The following VAC14 variants were observed in gnomAD, a reference collection of about 807,000 sequenced individuals.
VAC14 encodes protein VAC14 homolog.
Under a neutral mutation model 85.3 loss-of-function variants are expected in VAC14, and 47 were observed. The observed-to-expected ratio is 0.55, with a 90% CI of 0.44 to 0.70. VAC14 has a LOEUF of 0.70. Ranked by LOEUF, VAC14 falls within the 30% of genes least tolerant of loss-of-function variation. The probability of loss-of-function intolerance (pLI) is 0.00; values close to 1 mark genes in which losing one functional copy is unlikely to be tolerated. For missense variants in VAC14, 861 were observed against 1,004.3 expected, an observed-to-expected ratio of 0.86 and a Z score of 1.93; for synonymous variants, 447 against 430.5, an observed-to-expected ratio of 1.04 and a Z score of -0.47.
In VAC14 at chr16:70,751,793, G is replaced by A. The variant is rs546503327; in HGVS notation, c.1372-7214C>T. Among the ~76,000 whole-genome samples, 6 of 152,342 alleles carry A rather than the reference G, an allele frequency of 3.9e-5. 1 individual carries two copies. The highest frequency in any genetic ancestry group is 1.4e-4 in the African/African-American group (6 of 41,578). ...AGGCATTGGCACCAGCTGGCACCGG[G>A]GCCAGAGGCCTCCGCCCTGGACACA... On this transcript the variant is annotated intron_variant, in intron 12 of 18. Transcript: ENST00000261776.
chr16:70,756,703 C>T (rs2031892969), intron 12 of VAC14, among the ~76,000 whole-genome samples: 1 of 152,170 alleles, frequency 6.6e-6, no homozygotes, highest in African/African-American at 2.4e-5. Context: ...AACCCAGGTA[C>T]CACTGGGTTG....
intron 13 of VAC14, among the ~76,000 whole-genome samples, chr16:70,734,041 C>G (rs1344405610): frequency 1.3e-5 from 2 of 152,086 alleles, no homozygotes; most frequent in Non-Finnish European, 2.9e-5. Context: ...CCAGGATGGT[C>G]TCAATCTCCT....
At chr16:70,765,901 GC>G (rs1360858854) in intron 10 of VAC14, among the ~76,000 whole-genome samples, 2 of 152,166 alleles carry the variant, frequency 1.3e-5, no homozygotes, top group Non-Finnish European at 2.9e-5. Flanking sequence ...GGAGGCCGAG[GC>G]AGGCGGATGA....
intron 13 of VAC14, among the ~76,000 whole-genome samples, chr16:70,741,369 G>A (rs1666858428): frequency 6.6e-6 from 1 of 152,262 alleles, no homozygotes; most frequent in Admixed American, 6.5e-5. Flanking sequence ...CCTGGCACGT[G>A]CCCTCCCGGG....
intron 12 of VAC14, among the ~76,000 whole-genome samples, chr16:70,759,156 C>A (rs556801176): frequency 6.6e-6 from 1 of 152,208 alleles, no homozygotes; most frequent in Non-Finnish European, 1.5e-5. Flanking sequence ...CTGTCCCCTG[C>A]GAGCAGTGGC....
intron 17 of VAC14, 56 bp downstream of exon 17, chr16:70,695,488 C>G (rs1018306459): frequency 1.6e-5 from 25 of 1,569,126 alleles, no homozygotes; most frequent in Admixed American, 1.7e-5. Flanking sequence ...TCACCCACCC[C>G]ACTCCAGGGC....
chr16:70,688,135 C>T lies in VAC14; in HGVS notation c.2187-45G>A. 2 of 1,470,428 alleles carry T rather than the reference C, an allele frequency of 1.4e-6. 1 individual carries two copies. The highest frequency in any genetic ancestry group is 2.8e-5 in the South Asian group (2 of 70,258). The allele number at this position is 1,470,428 out of a possible 1,614,324, so 91.1% of individuals were successfully genotyped here. On this transcript the variant is annotated intron_variant, in intron 18 of 18. Coordinates refer to ENST00000261776, the MANE Select transcript of VAC14 (RefSeq NM_018052.5). ...ATGCTCAGTGTCAGGGATCAGCTCA[C>T]AGGGGGGTTACTGCTGGAGGGCAGT...
chr16:70,780,009 AT>A (rs1481414573), intron 9 of VAC14, among the ~76,000 whole-genome samples: 2 of 145,984 alleles, frequency 1.4e-5, no homozygotes, highest in Non-Finnish European at 3.0e-5. Context: ...TATCTGGCTA[AT>A]TTTTGTAATT....
intron 12 of VAC14, among the ~76,000 whole-genome samples, chr16:70,757,469 G>T (rs899226319): frequency 3.3e-5 from 5 of 152,136 alleles, no homozygotes; most frequent in African/African-American, 1.2e-4. Context: ...GGAGTGCTGG[G>T]GAGGCTGGAG....
intron 14 of VAC14, among the ~76,000 whole-genome samples, chr16:70,704,954 C>G (rs1344340797): frequency 1.3e-5 from 2 of 152,228 alleles, no homozygotes; most frequent in African/African-American, 4.8e-5. Flanking sequence ...TGTCCCTGCA[C>G]CCTCTGAAAA....
At chr16:70,764,277 C>G (rs1054821354) in intron 10 of VAC14, among the ~76,000 whole-genome samples, 1 of 152,174 alleles carries the variant, frequency 6.6e-6, no homozygotes, top group Non-Finnish European at 1.5e-5. Flanking sequence ...CACATCTATC[C>G]TCTGGTGGCC....
At position 70,715,497 on chromosome 16, in the gene VAC14, C is replaced by T. The variant is rs1220918960; in HGVS notation, c.1661+15998G>A. 1.1e-4 allele frequency: 17 copies of T among 152,402 alleles called. No homozygotes were observed. In the East Asian group the frequency reaches 3.3e-3, roughly 29 times the overall value. 9.4% of individuals were successfully genotyped at this position (152,402 alleles called of 1,614,324 possible). ...TGATACATGGCGCTTCCTGGCTCCCCTGCCTGCCCAGCACAGCAGCAGCGC... is the reference window on the plus strand; with the variant it reads ...TGATACATGGCGCTTCCTGGCTCCCTTGCCTGCCCAGCACAGCAGCAGCGC... On this transcript the variant is annotated intron_variant, in intron 14 of 18. Coordinates refer to ENST00000261776, the MANE Select transcript of VAC14 (RefSeq NM_018052.5).
At chr16:70,726,867 G>T (rs537202065) in intron 14 of VAC14, among the ~76,000 whole-genome samples, 3 of 152,176 alleles carry the variant, frequency 2.0e-5, no homozygotes, top group Non-Finnish European at 4.4e-5. Flanking sequence ...ACCAGAAAAG[G>T]AGGCTGTGTG....
intron 14 of VAC14, among the ~76,000 whole-genome samples, chr16:70,710,267 C>T (rs1255200429): frequency 6.6e-6 from 1 of 152,282 alleles, no homozygotes; most frequent in African/African-American, 2.4e-5. Context: ...CCTCCCTTCC[C>T]TGGCTGGCTC....
rs1223453191 is a variant in VAC14, at chr16:70,692,874, C to T, written c.2133G>A (p.Gln711=). 4 of 1,606,680 alleles carry T rather than the reference C, an allele frequency of 2.5e-6. No individual in the cohort carries two copies. The Admixed American group carries it at 6.8e-5, about 27-fold the overall frequency. ...LMLLPQSSAF[Q]LLSHRLQCVP... is the part of the protein sequence containing the mutation. ...CGCACTGGAGCCGGTGCGAGAGCAGCTGGAAGGCGCTGCTCTGCGGCAGGA... is the reference window on the plus strand; with the variant it reads ...CGCACTGGAGCCGGTGCGAGAGCAGTTGGAAGGCGCTGCTCTGCGGCAGGA... The change falls in exon 18 of 19, where the codon CAG becomes CAA. Residue 711 remains glutamine (Q), a synonymous_variant. Transcript: ENST00000261776.
intron 15 of VAC14, among the ~76,000 whole-genome samples, chr16:70,698,305 C>T (rs1370917089): frequency 6.6e-6 from 1 of 152,150 alleles, no homozygotes; most frequent in Non-Finnish European, 1.5e-5. Flanking sequence ...GGGCCCACGG[C>T]CAGCAGAGCC....
chr16:70,691,050 C>T, intron 18 of VAC14: 1 of 985,498 alleles, frequency 1.0e-6, no homozygotes. Flanking sequence ...CATCCACTGA[C>T]CCTCAGAATC....
chr16:70,715,381 G>A (rs549927642), intron 14 of VAC14: 3 of 152,412 alleles, frequency 2.0e-5, no homozygotes, highest in Non-Finnish European at 2.9e-5. Context: ...GACTAACCCT[G>A]GCGGGCAGGG....
intron 8 of VAC14, among the ~76,000 whole-genome samples, chr16:70,781,573 A>G (rs2033811904): frequency 6.6e-6 from 1 of 152,044 alleles, no homozygotes; most frequent in Non-Finnish European, 1.5e-5. Context: ...TCCCACCAAC[A>G]GGATCTCCCC....
Sources: allele counts gnomAD v4.1 joint callset (sites outside exome capture counted in the v4.1 genomes callset), GRCh38; gene constraint gnomAD v4.1.1; transcripts MANE v1.5; gene names NCBI Gene and HGNC (gene_info 2026-07-23, HGNC 2026-07-21).